ZNF514: variants seen among roughly 807,000 people sequenced by gnomAD.
ZNF514 encodes the protein zinc finger protein 514.
A neutral mutation model predicts 9.7 loss-of-function variants in ZNF514; 12 were observed. The observed-to-expected ratio is 1.24, with a 90% CI of 0.79 to 2.01. The LOEUF (loss-of-function observed/expected upper bound fraction) is 2.01, where lower values mean the gene tolerates loss of function less well. Ranked by LOEUF, ZNF514 falls within the 30% of genes most tolerant of loss-of-function variation. The pLI is 0.00. For missense variants in ZNF514, 467 were observed against 465.5 expected (o/e 1.00, Z -0.03); for synonymous variants, 158 against 163.7 (o/e 0.97, Z 0.27).
At chr2:95,131,317 T>C in the ZNF514 span, among the ~76,000 whole-genome samples, 1 of 152,220 alleles carries the variant, frequency 6.6e-6, no homozygotes, top group Non-Finnish European at 1.5e-5. Flanking sequence ...GCACAGTTTC[T>C]GCTTATCTCA....
chr2:95,134,238 C>T, the ZNF514 span, among the ~76,000 whole-genome samples: 2 of 152,106 alleles, frequency 1.3e-5, no homozygotes, highest in Non-Finnish European at 2.9e-5. Flanking sequence ...ATCTCATCAC[C>T]CTTACTCATT....
chr2:95,126,877 C>T, the ZNF514 span, among the ~76,000 whole-genome samples: 3 of 151,956 alleles, frequency 2.0e-5, no homozygotes, highest in Admixed American at 2.0e-4. Context: ...CTCAAGCAAT[C>T]CTCCTGCCTT....
chr2:95,136,886 T>C, the ZNF514 span, among the ~76,000 whole-genome samples: 1 of 152,226 alleles, frequency 6.6e-6, no homozygotes, highest in Non-Finnish European at 1.5e-5. Context: ...AGTTACTATA[T>C]AGAGCTCATC....
intron 4 of ZNF514, 26 bp downstream of exon 4, chr2:95,152,648 T>A (rs1328483266): frequency 6.2e-7 from 1 of 1,601,240 alleles, no homozygotes; most frequent in Non-Finnish European, 8.6e-7. Context: ...CCTTATCATA[T>A]GCAATGCTTT....
chr2:95,142,363 C>G (rs925260828), downstream of ZNF514, among the ~76,000 whole-genome samples: 2 of 152,100 alleles, frequency 1.3e-5, no homozygotes, highest in Non-Finnish European at 2.9e-5. Context: ...GAAAAAGAAC[C>G]AATTATGATA....
intron 3 of ZNF514, 119 bp from the exon 4 acceptor site, chr2:95,152,888 G>T: frequency 9.5e-7 from 1 of 1,055,442 alleles, no homozygotes; most frequent in Non-Finnish European, 1.4e-6. Flanking sequence ...AACAGGCATT[G>T]TGAAAAGTTA....
intron 2 of ZNF514, 119 bp from the exon 3 acceptor site, chr2:95,153,378 G>C: frequency 1.0e-6 from 1 of 992,988 alleles, no homozygotes; most frequent in East Asian, 2.6e-5. Flanking sequence ...TCAGGTGGAG[G>C]TAAATGTAAT....
At chr2:95,125,125 C>T in the ZNF514 span, among the ~76,000 whole-genome samples, 1 of 151,914 alleles carries the variant, frequency 6.6e-6, no homozygotes, top group Admixed American at 6.6e-5. Context: ...GCGATCCGCC[C>T]ACCTCAGACT....
At chr2:95,126,154 T>C in the ZNF514 span, among the ~76,000 whole-genome samples, 1 of 152,056 alleles carries the variant, frequency 6.6e-6, no homozygotes, top group Non-Finnish European at 1.5e-5. Flanking sequence ...GTGGATCATC[T>C]GAGGTCAGGA....
rs747295520 is a variant in ZNF514 at position 95,146,530 on chromosome 2, C to T, written c.*2752G>A. On this transcript the variant is annotated 3_prime_UTR_variant, in exon 5 of 5. Coordinates refer to ENST00000295208, the MANE Select transcript of ZNF514 (RefSeq NM_032788.3). ...GTGGAAAGGCATGTCTGAGGGATGA[C>T]AAGAGAGCATTTGTGTGCAATGGAG... Among the ~76,000 whole-genome samples the T allele has an allele frequency of 2.0e-4, 31 of 151,582 alleles. No homozygotes were observed. Among genetic ancestry groups the T allele is most frequent in the Non-Finnish European group, 3.4e-4 (23 of 67,964 alleles).
At position 95,153,179 on chromosome 2, in the gene ZNF514, G is replaced by A. The variant is rs762283588; in HGVS notation, c.75C>T (p.Leu25=). 6.8e-6 allele frequency: 11 copies of A among 1,613,940 alleles called. No individual in the cohort carries two copies. The South Asian group carries it at 1.2e-4, about 18-fold the overall frequency. Reference sequence around the variant, plus strand: ...AGTTCTCCAGCATCACCTCCCTGTAGAGGTCCTTCTGAGCAGGGTTCAGCT... The same window carrying A: ...AGTTCTCCAGCATCACCTCCCTGTAAAGGTCCTTCTGAGCAGGGTTCAGCT... ...WGQLNPAQKD[L]YREVMLENFR... The change falls in exon 3 of 5, where the codon CTC becomes CTT. Residue 25 remains leucine (L), a synonymous_variant. Transcript: ENST00000295208.
chr2:95,141,933 G>C (rs985273361), downstream of ZNF514, among the ~76,000 whole-genome samples: 1 of 152,122 alleles, frequency 6.6e-6, no homozygotes, highest in African/African-American at 2.4e-5. Flanking sequence ...AAATTATCTT[G>C]AATAGTAGAT....
Position 95,157,374 on chromosome 2 carries a change from A to T in ZNF514, c.-30T>A. On this transcript the variant is annotated 5_prime_UTR_variant, in exon 2 of 5. Transcript: ENST00000295208. Reference sequence around the variant, plus strand: ...ACCCGAGGCCTGGCTTTCAGGAATGAATTGGTTGTTCCCTCTTCTCCTGGG... The same window carrying T: ...ACCCGAGGCCTGGCTTTCAGGAATGTATTGGTTGTTCCCTCTTCTCCTGGG... 1 of 1,289,688 alleles carries T rather than the reference A, an allele frequency of 7.8e-7. No individual in the cohort carries two copies. The highest frequency in any genetic ancestry group is 1.0e-6 in the Non-Finnish European group (1 of 988,780). 79.9% of individuals were successfully genotyped at this position (1,289,688 alleles called of 1,614,324 possible). A position where few individuals can be genotyped will look rare whatever the true frequency, so the allele number is the denominator to read the frequency against.
Position 95,146,953 on chromosome 2 carries a change from C to T in ZNF514, c.*2329G>A, listed in dbSNP as rs1673375182. On this transcript the variant is annotated 3_prime_UTR_variant, in exon 5 of 5. Coordinates refer to ENST00000295208, the MANE Select transcript of ZNF514 (RefSeq NM_032788.3). The stretch of plus-strand genomic sequence containing the variant: ...ATCCAGATGCCTCCTGTGCATCCTA[C>T]CTGCCCTGGCCAACCTTGTGGACTC... Among the ~76,000 whole-genome samples the T allele has an allele frequency of 6.6e-6, 1 of 152,162 alleles. No individual in the cohort carries two copies. The highest frequency in any genetic ancestry group is 2.4e-5 in the African/African-American group (1 of 41,428).
At chr2:95,151,137 G>A (rs1303846115) in intron 4 of ZNF514, among the ~76,000 whole-genome samples, 3 of 152,202 alleles carry the variant, frequency 2.0e-5, no homozygotes, top group Non-Finnish European at 4.4e-5. Context: ...GAACCTGTGA[G>A]TGGGTTACCT....
intron 1 of ZNF514, chr2:95,158,760 T>C: frequency 8.5e-7 from 1 of 1,177,028 alleles, no homozygotes; most frequent in South Asian, 1.5e-5. Context: ...GCCACGGTCA[T>C]CTAGAGACCC....
rs1287444720 is a variant in ZNF514 at position 95,147,102 on chromosome 2, C to T, written c.*2180G>A. Among the ~76,000 whole-genome samples the T allele has an allele frequency of 3.3e-5, 5 of 152,182 alleles. No individual in the cohort carries two copies. The highest frequency in any genetic ancestry group is 5.9e-5 in the Non-Finnish European group (4 of 68,038). ...TCAGTATAAGCTAATCCTTATTAGG[C>T]AAGTATCCTTTGGTCTACGCCAGCT... On this transcript the variant is annotated 3_prime_UTR_variant, in exon 5 of 5. Coordinates refer to ENST00000295208, the MANE Select transcript of ZNF514 (RefSeq NM_032788.3).
In ZNF514 at chr2:95,149,271, A is replaced by G. The variant is rs1406701989; in HGVS notation, c.*11T>C. 6.4e-7 allele frequency: 1 copy of G among 1,552,448 alleles called. No homozygotes were observed. Among genetic ancestry groups the G allele is most frequent in the East Asian group, 2.3e-5 (1 of 44,426 alleles). ...GCACTCCAGCTGAAAGCCCTTCTAT[A>G]TTCACTGAATTTATAGGGTTTTTTT... On this transcript the variant is annotated 3_prime_UTR_variant, in exon 5 of 5. Transcript: ENST00000295208.
chr2:95,152,920 C>T (rs1489341995), intron 3 of ZNF514, 151 bp from the exon 4 acceptor site: 7 of 939,756 alleles, frequency 7.4e-6, no homozygotes, highest in Non-Finnish European at 1.1e-5. Context: ...AGGTAACTTC[C>T]TATTTCAACT....
Sources: allele counts gnomAD v4.1 joint callset (sites outside exome capture counted in the v4.1 genomes callset), GRCh38; gene constraint gnomAD v4.1.1; transcripts MANE v1.5; gene names NCBI Gene and HGNC (gene_info 2026-07-23, HGNC 2026-07-21).